Variants in LYSMD2 observed in about 807,000 individuals in gnomAD.
The protein encoded by LYSMD2 is lysM and putative peptidoglycan-binding domain-containing protein 2.
A neutral mutation model predicts 17.7 loss-of-function variants in LYSMD2; 6 were observed. The observed-to-expected ratio is 0.34, with a 90% confidence interval of 0.19 to 0.67. LYSMD2 has a LOEUF of 0.67. Among genes scored for constraint, LYSMD2 ranks in the 30% least tolerant of loss-of-function variants. LYSMD2 has a pLI of 0.69. For synonymous variants in LYSMD2, 102 were observed against 129.8 expected (o/e 0.79, Z 1.45); for missense variants, 237 against 286.7 (o/e 0.83, Z 1.25).
chr15:51,739,347 A>AAT (rs1555459683), upstream of LYSMD2, among the ~76,000 whole-genome samples: 61 of 152,308 alleles, frequency 4.0e-4, no homozygotes, highest in African/African-American at 1.3e-3. Context: ...AATAAAAAAA[A>AAT]AAATAAATAC....
chr15:51,737,286 C>G lies in LYSMD2; in HGVS notation c.273+64G>C. ...GTCCCACCCCCACCCCCACCGCACC[C>G]CGAGCCGCACCGCCTCCTGCGCGGT... On this transcript the variant is annotated intron_variant, in intron 1 of 2. Transcript: ENST00000267838. The surrounding 1 kb of genome is among the most constrained non-coding windows in gnomAD (Gnocchi z 4.2). 7.9e-7 allele frequency: 1 copy of G among 1,258,128 alleles called. No homozygotes were observed. The highest frequency in any genetic ancestry group is 1.0e-6 in the Non-Finnish European group (1 of 994,088). 77.9% of individuals were successfully genotyped at this position (1,258,128 alleles called of 1,614,324 possible).
chr15:51,748,314 G>A (rs989394195), intron 1 of LYSMD2, among the ~76,000 whole-genome samples: 5 of 112,832 alleles, frequency 4.4e-5, no homozygotes, highest in African/African-American at 1.7e-4. Flanking sequence ...GCTTAAGGGA[G>A]GTTACAGAAA....
At chr15:51,730,419 G>A (rs548438932) in intron 1 of LYSMD2, among the ~76,000 whole-genome samples, 6 of 152,256 alleles carry the variant, frequency 3.9e-5, no homozygotes, top group Admixed American at 6.5e-5. Flanking sequence ...GGGAGGATGA[G>A]GCAGGAGAAT....
At chr15:51,734,584 G>T (rs759466749) in intron 1 of LYSMD2, among the ~76,000 whole-genome samples, 8 of 152,210 alleles carry the variant, frequency 5.3e-5, no homozygotes, top group Non-Finnish European at 1.2e-4. Context: ...GCCATGGAGA[G>T]ACAGGCTTTC....
At chr15:51,737,666 C>T, upstream of LYSMD2, 2 of 1,196,084 alleles carry the variant, frequency 1.7e-6, no homozygotes, top group Non-Finnish European at 2.1e-6. The surrounding 1 kb of genome is among the most constrained non-coding windows in gnomAD (Gnocchi z 4.2). Context: ...GCCAAGGGGG[C>T]GGCGCCTCCT....
chr15:51,732,719 A>G (rs2055584479), intron 1 of LYSMD2, among the ~76,000 whole-genome samples: 1 of 152,154 alleles, frequency 6.6e-6, no homozygotes, highest in South Asian at 2.1e-4. Context: ...GGGGAGAGAT[A>G]TTCAAACTAA....
In LYSMD2 at chr15:51,731,316, C is replaced by CTTT. The variant is rs563125809; in HGVS notation, c.273+6031_273+6033dup. Reference sequence around the variant, plus strand: ...AAAGGCTACTTTGCCATACCTCTCACTTTTGGTGGCTCTATTTATAGTTAT... The same window carrying CTTT: ...AAAGGCTACTTTGCCATACCTCTCACTTTTTTTGGTGGCTCTATTTATAGTTAT... On this transcript the variant is annotated intron_variant, in intron 1 of 2. Coordinates refer to ENST00000267838, the MANE Select transcript of LYSMD2 (RefSeq NM_153374.3). 3.5e-4 allele frequency among the ~76,000 whole-genome samples: 53 copies of CTTT among 152,324 alleles called. No homozygotes were observed. In the South Asian group the frequency reaches 4.8e-3, roughly 14 times the overall value.
At chr15:51,738,970 G>C (rs2055629933), upstream of LYSMD2, among the ~76,000 whole-genome samples, 1 of 152,084 alleles carries the variant, frequency 6.6e-6, no homozygotes, top group African/African-American at 2.4e-5. Context: ...CTCTGAAACT[G>C]GCCTCCTTGT....
chr15:51,741,427 C>A (rs538197656), upstream of LYSMD2, among the ~76,000 whole-genome samples: 3 of 152,222 alleles, frequency 2.0e-5, no homozygotes, highest in South Asian at 6.2e-4. Context: ...TTTTTATAAC[C>A]TTGGGATAGC....
upstream of LYSMD2, among the ~76,000 whole-genome samples, chr15:51,739,475 G>A (rs2141600795): frequency 6.6e-6 from 1 of 152,312 alleles, no homozygotes. Flanking sequence ...GTCCATTTCA[G>A]GACCCAAGAG....
chr15:51,735,005 T>C (rs1459249606), intron 1 of LYSMD2, among the ~76,000 whole-genome samples: 2 of 152,060 alleles, frequency 1.3e-5, no homozygotes, highest in Non-Finnish European at 2.9e-5. Flanking sequence ...TGAGACCCCA[T>C]TTCTACAAAA....
In LYSMD2 at chr15:51,737,577, G is replaced by T. The variant is rs1364294005; in HGVS notation, c.46C>A (p.Arg16Ser). 8.2e-7 allele frequency: 1 copy of T among 1,218,418 alleles called. No individual in the cohort carries two copies. Among genetic ancestry groups the T allele is most frequent in the Non-Finnish European group, 1.0e-6 (1 of 981,340 alleles). 75.5% of individuals were successfully genotyped at this position (1,218,418 alleles called of 1,614,324 possible). A position where few individuals can be genotyped will look rare whatever the true frequency, so the allele number is the denominator to read the frequency against. Residue 16 changes from arginine to serine, a missense_variant, in exon 1 of 3, where the codon CGC (arginine) becomes AGC (serine). Transcript: ENST00000267838. This position sits in a 1 kb window ranked among gnomAD's most constrained non-coding sequence, Gnocchi z 4.2. ...GAGGGGGCCGAGGGCCGCGGCGCGC[G>T]GGGGCCGCCTTCCCGCAGGGACAGT... ...PALSLREGGP[R>S]APRPSAPSPP...
chr15:51,739,222 G>A (rs1228599245), upstream of LYSMD2, among the ~76,000 whole-genome samples: 1 of 152,030 alleles, frequency 6.6e-6, no homozygotes, highest in Non-Finnish European at 1.5e-5. Flanking sequence ...TTTTGTGTTT[G>A]TACTTGCATG....
At chr15:51,742,816 G>A (rs79450424) in intron 1 of LYSMD2, among the ~76,000 whole-genome samples, 9,007 of 152,134 alleles carry the variant, frequency 0.059, 343 homozygotes, top group East Asian at 0.095. Flanking sequence ...GAAAGACGTA[G>A]CCAGTTGTGG....
chr15:51,729,331 T>C (rs1460596214), intron 1 of LYSMD2, among the ~76,000 whole-genome samples: 2 of 152,234 alleles, frequency 1.3e-5, no homozygotes, highest in Non-Finnish European at 2.9e-5. Flanking sequence ...CAGTTAAAGA[T>C]TGCTTCAGCA....
intron 1 of LYSMD2, among the ~76,000 whole-genome samples, chr15:51,744,344 G>A (rs1260070820): frequency 6.6e-6 from 1 of 152,018 alleles, no homozygotes; most frequent in Non-Finnish European, 1.5e-5. Context: ...GGACTTTTTA[G>A]TATGAATGGA....
At chr15:51,742,120 C>A (rs1339758403), upstream of LYSMD2, among the ~76,000 whole-genome samples, 2 of 151,992 alleles carry the variant, frequency 1.3e-5, no homozygotes, top group Non-Finnish European at 2.9e-5. Context: ...CTGCAACCTC[C>A]ACTTCCTGGG....
At position 51,723,459 on chromosome 15, in the gene LYSMD2, T is replaced by G. The variant is rs2068791798; in HGVS notation, c.*148A>C. The G allele has an allele frequency of 1.5e-6, 1 of 674,966 alleles. No individual in the cohort carries two copies. Among genetic ancestry groups the G allele is most frequent in the Non-Finnish European group, 2.7e-6 (1 of 375,168 alleles). The allele number at this position is 674,966 out of a possible 1,614,324, so 41.8% of individuals were successfully genotyped here. On this transcript the variant is annotated 3_prime_UTR_variant, in exon 3 of 3. Transcript: ENST00000267838. ...AGCCAGAGGGAACTAATCACTTCAG[T>G]GCAACTGCAGCAGGTAGAACTACCT...
intron 1 of LYSMD2, among the ~76,000 whole-genome samples, chr15:51,746,468 T>A (rs2055667862): frequency 6.6e-6 from 1 of 152,240 alleles, no homozygotes; most frequent in Non-Finnish European, 1.5e-5. Flanking sequence ...GAATGAGGAA[T>A]GAGTGCTAAC....
Sources: allele counts gnomAD v4.1 joint callset (sites outside exome capture counted in the v4.1 genomes callset), GRCh38; gene constraint gnomAD v4.1.1; non-coding constraint Gnocchi (gnomAD v3.1); transcripts MANE v1.5; gene names NCBI Gene and HGNC (gene_info 2026-07-23, HGNC 2026-07-21).